The following KCND3 variants were observed in gnomAD, a reference collection of about 807,000 sequenced individuals.
KCND3 encodes the protein potassium voltage-gated channel subfamily D member 3.
In KCND3, 9 loss-of-function variants were observed where a neutral mutation model predicts 51.1. That is an observed-to-expected ratio of 0.18 (90% confidence interval 0.11 to 0.31). The LOEUF (loss-of-function observed/expected upper bound fraction) is 0.31. Among genes scored for constraint, KCND3 ranks in the 10% least tolerant of loss-of-function variants. KCND3 has a pLI of 1.00. For missense variants in KCND3, 526 were observed against 903.8 expected, an observed-to-expected ratio of 0.58 and a Z score of 5.36; for synonymous variants, 349 against 368.0, an observed-to-expected ratio of 0.95 and a Z score of 0.59.
rs1664320639 is a variant in KCND3 at position 111,780,326 on chromosome 1, A to AG, written c.1372-13dup. ...TCTTCTGGGGTGCCCTAGTAAAAAA[A>AG]GAAGAGAGATTGAGTAAAAAGCTGG... On this transcript the variant is annotated splice_polypyrimidine_tract_variant and intron_variant, in intron 4 of 7. Transcript: ENST00000302127. The surrounding 1 kb of genome is among the most constrained non-coding windows in gnomAD (Gnocchi z 4.2). 6.4e-7 allele frequency: 1 copy of AG among 1,556,812 alleles called. No individual in the cohort carries two copies. Among genetic ancestry groups the AG allele is most frequent in the African/African-American group, 1.4e-5 (1 of 73,470 alleles).
At chr1:111,831,507 C>T (rs1415307260) in intron 2 of KCND3, among the ~76,000 whole-genome samples, 3 of 152,190 alleles carry the variant, frequency 2.0e-5, no homozygotes, top group Non-Finnish European at 4.4e-5. Flanking sequence ...CCCTGGACAG[C>T]CTGCAGAACC....
In KCND3 at chr1:111,982,801, G is replaced by A; in HGVS notation, c.-72-3C>T. Reference sequence around the variant, plus strand: ...GCTTGGAGTTAGTTCAGCAAACCCTGGGAGACAGGAGGGGAGAGAGAGAAG... The same window carrying A: ...GCTTGGAGTTAGTTCAGCAAACCCTAGGAGACAGGAGGGGAGAGAGAGAAG... On this transcript the variant is annotated splice_polypyrimidine_tract_variant and splice_region_variant and intron_variant, in intron 1 of 7. Coordinates refer to ENST00000302127, the MANE Select transcript of KCND3 (RefSeq NM_001378969.1). This position sits in a 1 kb window ranked among gnomAD's most constrained non-coding sequence, Gnocchi z 8.5. 2.6e-6 allele frequency: 4 copies of A among 1,538,772 alleles called. No homozygotes were observed. Among genetic ancestry groups the A allele is most frequent in the African/African-American group, 1.4e-5 (1 of 73,314 alleles).
chr1:111,941,623 G>A (rs1042135585), intron 2 of KCND3, among the ~76,000 whole-genome samples: 5 of 152,232 alleles, frequency 3.3e-5, no homozygotes, highest in African/African-American at 1.2e-4. Flanking sequence ...CAAATGGCAT[G>A]GTAATCCCCA....
intron 1 of KCND3, among the ~76,000 whole-genome samples, chr1:111,987,852 G>C (rs1675376819): frequency 6.6e-6 from 1 of 152,170 alleles, no homozygotes; most frequent in Non-Finnish European, 1.5e-5. Context: ...AAAGATAGGG[G>C]GTGGGGGGAG....
In KCND3 at chr1:111,898,444, T is replaced by TAGCCACTCAGTAG. The variant is rs1267371349; in HGVS notation, c.1106+83176_1106+83177insCTACTGAGTGGCT. 2.0e-5 allele frequency among the ~76,000 whole-genome samples: 3 copies of TAGCCACTCAGTAG among 152,300 alleles called. No homozygotes were observed. In the East Asian group the frequency reaches 5.8e-4, roughly 29 times the overall value. On this transcript the variant is annotated intron_variant, in intron 2 of 7. Coordinates refer to ENST00000302127, the MANE Select transcript of KCND3 (RefSeq NM_001378969.1). Reference sequence around the variant, plus strand: ...TATCATTCTGATCATCGCTTGACATTGACTGCACCAGGTTACAATTGGTGG... The same window carrying TAGCCACTCAGTAG: ...TATCATTCTGATCATCGCTTGACATTAGCCACTCAGTAGGACTGCACCAGGTTACAATTGGTGG...
chr1:111,942,366 A>G (rs1345582090), intron 2 of KCND3, among the ~76,000 whole-genome samples: 2 of 152,196 alleles, frequency 1.3e-5, no homozygotes, highest in African/African-American at 2.4e-5. Context: ...AACATCTAGT[A>G]GAGAATCAAA....
chr1:111,932,198 C>G (rs78478538), intron 2 of KCND3, among the ~76,000 whole-genome samples: 2 of 152,302 alleles, frequency 1.3e-5, no homozygotes, highest in Non-Finnish European at 2.9e-5. Flanking sequence ...TTAAGGTCAG[C>G]TGACTAGCAA....
chr1:111,974,808 A>T (rs1228813337), intron 2 of KCND3, among the ~76,000 whole-genome samples: 1 of 152,208 alleles, frequency 6.6e-6, no homozygotes, highest in East Asian at 1.9e-4. Flanking sequence ...AGATACAGAG[A>T]GAGATTGGGA....
intron 2 of KCND3, among the ~76,000 whole-genome samples, chr1:111,838,067 C>T (rs1486374501): frequency 6.6e-6 from 1 of 152,152 alleles, no homozygotes; most frequent in African/African-American, 2.4e-5. Flanking sequence ...TGCCAGGCTT[C>T]TCCACTGTCA....
intron 2 of KCND3, among the ~76,000 whole-genome samples, chr1:111,906,313 C>G (rs948421301): frequency 1.7e-4 from 26 of 152,184 alleles, no homozygotes; most frequent in African/African-American, 5.3e-4. Flanking sequence ...TCTGCACCAC[C>G]TCCTCTGCCT....
chr1:111,857,236 T>C (rs547873852), intron 2 of KCND3, among the ~76,000 whole-genome samples: 27 of 152,296 alleles, frequency 1.8e-4, no homozygotes, highest in African/African-American at 6.5e-4. Context: ...CATCGCGGTG[T>C]TACAGATGCT....
intron 2 of KCND3, among the ~76,000 whole-genome samples, chr1:111,902,199 T>G (rs1268223450): frequency 6.6e-6 from 1 of 152,028 alleles, no homozygotes; most frequent in Non-Finnish European, 1.5e-5. Flanking sequence ...AATCCCAAAG[T>G]GGGTCCAGGC....
At chr1:111,870,683 C>T (rs776085751) in intron 2 of KCND3, among the ~76,000 whole-genome samples, 4 of 151,346 alleles carry the variant, frequency 2.6e-5, no homozygotes, top group Non-Finnish European at 5.9e-5. Context: ...TACAGGGTCT[C>T]TTGTTGAAGA....
At chr1:111,832,883 GC>G (rs1461134522) in intron 2 of KCND3, among the ~76,000 whole-genome samples, 1 of 152,174 alleles carries the variant, frequency 6.6e-6, no homozygotes, top group African/African-American at 2.4e-5. Context: ...TTCTCCAGGA[GC>G]CATCTCTCCT....
At chr1:111,983,085 T>C (rs1419938444) in intron 1 of KCND3, among the ~76,000 whole-genome samples, 1 of 152,216 alleles carries the variant, frequency 6.6e-6, no homozygotes, top group Non-Finnish European at 1.5e-5. Flanking sequence ...AGGGAAGGCC[T>C]CTTTAGCAGG....
chr1:111,928,527 C>A (rs1416622865), intron 2 of KCND3, among the ~76,000 whole-genome samples: 1 of 152,242 alleles, frequency 6.6e-6, no homozygotes, highest in Non-Finnish European at 1.5e-5. Context: ...CAGACGGCAT[C>A]ACGCAATTGG....
At chr1:111,806,767 C>T (rs968685996) in intron 2 of KCND3, among the ~76,000 whole-genome samples, 1 of 152,194 alleles carries the variant, frequency 6.6e-6, no homozygotes, top group Non-Finnish European at 1.5e-5. Context: ...TTCAACCCCA[C>T]CCTTGCCTTT....
At chr1:111,976,373 C>T (rs1164551645) in intron 2 of KCND3, among the ~76,000 whole-genome samples, 1 of 152,216 alleles carries the variant, frequency 6.6e-6, no homozygotes, top group Non-Finnish European at 1.5e-5. Flanking sequence ...CTCCCTATCT[C>T]CACTCTGTCC....
At chr1:111,832,384 T>C (rs1260996502) in intron 2 of KCND3, among the ~76,000 whole-genome samples, 1 of 152,210 alleles carries the variant, frequency 6.6e-6, no homozygotes, top group Non-Finnish European at 1.5e-5. Context: ...GGAGACTTTC[T>C]AAGTTCCAGA....
Sources: gnomAD v4.1 joint callset for allele counts (sites outside exome capture counted in the v4.1 genomes callset) on GRCh38, gnomAD v4.1.1 for gene constraint, Gnocchi (gnomAD v3.1) non-coding constraint, MANE v1.5 for transcripts, NCBI Gene and HGNC (gene_info 2026-07-23, HGNC 2026-07-21) for gene names.